Variants in TMEM74 observed in about 807,000 individuals in gnomAD.
TMEM74 encodes transmembrane protein 74.
A neutral mutation model predicts 18.1 loss-of-function variants in TMEM74; 13 were observed. That is an observed-to-expected ratio of 0.72 (90% CI 0.47 to 1.14). The LOEUF (loss-of-function observed/expected upper bound fraction) is 1.14, where lower values mean the gene tolerates loss of function less well. Among genes scored for constraint, TMEM74 ranks in the 50% most tolerant of loss-of-function variants. The pLI, the probability that TMEM74 is intolerant of heterozygous loss-of-function variation, is 0.00. For missense variants in TMEM74, 372 were observed against 375.9 expected (o/e 0.99, Z 0.09); for synonymous variants, 159 against 146.6 (o/e 1.08, Z -0.61).
chr8:108,651,354 G>A (rs1296262461), intron 2 of TMEM74, among the ~76,000 whole-genome samples: 2 of 152,056 alleles, frequency 1.3e-5, no homozygotes, highest in Non-Finnish European at 2.9e-5. Context: ...GTTATTCTCA[G>A]AATTTCCTGT....
At chr8:108,652,805 G>A in intron 2 of TMEM74, 1 of 527,388 alleles carries the variant, frequency 1.9e-6, no homozygotes, top group South Asian at 1.8e-5. Flanking sequence ...TGTCAAAGAA[G>A]GAATTGAGTA....
chr8:108,695,698 A>G (rs1256805579), intron 1 of TMEM74, among the ~76,000 whole-genome samples: 7 of 152,108 alleles, frequency 4.6e-5, no homozygotes, highest in Non-Finnish European at 1.0e-4. Context: ...ATTTGTGTAT[A>G]GTGAAGTTTT....
intron 2 of TMEM74, among the ~76,000 whole-genome samples, chr8:108,623,775 T>A (rs1812467000): frequency 6.6e-6 from 1 of 152,016 alleles, no homozygotes; most frequent in Non-Finnish European, 1.5e-5. Context: ...GTCCCCTGGA[T>A]TTTTCTCTCA....
At position 108,612,548 on chromosome 8, in the gene TMEM74, C is replaced by T. The variant is rs151282642; in HGVS notation, n.265-3722G>A. Reference sequence around the variant, plus strand: ...TTTCAGTGTTGGGCTCTGGAATGTTCTACAAGATCAGAGCTTTAACAGGAG... The same window carrying T: ...TTTCAGTGTTGGGCTCTGGAATGTTTTACAAGATCAGAGCTTTAACAGGAG... On this transcript the variant is annotated intron_variant and non_coding_transcript_variant, in intron 2 of 3. Transcript: ENST00000518838. 1.1e-4 allele frequency among the ~76,000 whole-genome samples: 16 copies of T among 152,274 alleles called. No homozygotes were observed. In the East Asian group the frequency reaches 3.1e-3, roughly 29 times the overall value.
chr8:108,679,508 G>A (rs1188831788), intron 1 of TMEM74, among the ~76,000 whole-genome samples: 2 of 152,288 alleles, frequency 1.3e-5, no homozygotes, highest in Admixed American at 6.5e-5. Context: ...GTGATGATGA[G>A]CATTTTTTCA....
At chr8:108,704,394 T>G (rs983874117) in intron 1 of TMEM74, among the ~76,000 whole-genome samples, 8 of 152,358 alleles carry the variant, frequency 5.3e-5, no homozygotes, top group African/African-American at 1.9e-4. Context: ...GAGAACCCAA[T>G]GCAGGTTAAG....
intron 2 of TMEM74, among the ~76,000 whole-genome samples, chr8:108,638,327 T>C (rs1671814214): frequency 6.6e-6 from 1 of 152,146 alleles, no homozygotes; most frequent in South Asian, 2.1e-4. Flanking sequence ...TTTAAGGTTG[T>C]CTATTCAACT....
At chr8:108,613,143 C>T (rs1039504094) in intron 2 of TMEM74, among the ~76,000 whole-genome samples, 6 of 152,236 alleles carry the variant, frequency 3.9e-5, no homozygotes, top group Admixed American at 1.3e-4. Flanking sequence ...GCTGCCTACA[C>T]TACCAAGTTG....
intron 1 of TMEM74, among the ~76,000 whole-genome samples, chr8:108,769,227 C>A (rs1276604536): frequency 6.6e-6 from 1 of 151,506 alleles, no homozygotes; most frequent in African/African-American, 2.4e-5. Context: ...ACTCAGGAGG[C>A]TGAGGGACGA....
rs1814286232 is a variant in TMEM74 at position 108,780,169 on chromosome 8, T to C, written c.*4012A>G. 6.6e-6 allele frequency among the ~76,000 whole-genome samples: 1 copy of C among 152,220 alleles called. No homozygotes were observed. The highest frequency in any genetic ancestry group is 6.5e-5 in the Admixed American group (1 of 15,278). ...CATCTTGCTGTAATAGGTGAACCAC[T>C]GGCAAAGGTTGTGAATCTTTTTTGT... On this transcript the variant is annotated 3_prime_UTR_variant, in exon 2 of 2. Coordinates refer to ENST00000297459, the MANE Select transcript of TMEM74 (RefSeq NM_153015.3).
chr8:108,675,936 A>T (rs1249164899), intron 1 of TMEM74, among the ~76,000 whole-genome samples: 1 of 152,220 alleles, frequency 6.6e-6, no homozygotes. Context: ...TATTCATATT[A>T]GTTATAATAT....
intron 1 of TMEM74, among the ~76,000 whole-genome samples, chr8:108,719,353 A>C (rs1813562229): frequency 2.6e-5 from 4 of 152,154 alleles, no homozygotes; most frequent in Admixed American, 2.0e-4. Flanking sequence ...AAAAGTGTTT[A>C]ATATCATTGT....
intron 1 of TMEM74, among the ~76,000 whole-genome samples, chr8:108,752,043 T>TTGAATGAATGAA (rs4034229): frequency 6.6e-6 from 1 of 151,102 alleles, no homozygotes; most frequent in Non-Finnish European, 1.5e-5. Flanking sequence ...ATTAATGTTG[T>TTGAATGAATGAA]TGAATGAATG....
intron 2 of TMEM74, among the ~76,000 whole-genome samples, chr8:108,628,063 T>A (rs1812513691): frequency 6.6e-6 from 1 of 151,608 alleles, no homozygotes; most frequent in Non-Finnish European, 1.5e-5. Flanking sequence ...GTCTCAAAAA[T>A]AAAAAATAAA....
chr8:108,772,689 G>C (rs1043820233), intron 1 of TMEM74, among the ~76,000 whole-genome samples: 2 of 152,240 alleles, frequency 1.3e-5, no homozygotes, highest in Middle Eastern at 3.4e-3. Flanking sequence ...TAGATGAAAA[G>C]AGCATGAATT....
intron 1 of TMEM74, among the ~76,000 whole-genome samples, chr8:108,749,163 TTG>T (rs201107033): frequency 2.8e-4 from 35 of 125,664 alleles, no homozygotes; most frequent in Admixed American, 3.9e-4. Flanking sequence ...AAAATAGTTG[TTG>T]TTTTTTTTTC....
intron 1 of TMEM74, among the ~76,000 whole-genome samples, chr8:108,663,526 A>C (rs1164914262): frequency 6.6e-6 from 1 of 152,266 alleles, no homozygotes; most frequent in Non-Finnish European, 1.5e-5. Flanking sequence ...ATGTAAATTA[A>C]TTTAACCATT....
chr8:108,673,970 A>G (rs1813029317), intron 1 of TMEM74, among the ~76,000 whole-genome samples: 1 of 152,100 alleles, frequency 6.6e-6, no homozygotes. Flanking sequence ...AAAATTTCCT[A>G]TTATTTTTAT....
At chr8:108,724,936 A>G (rs73309830) in intron 1 of TMEM74, among the ~76,000 whole-genome samples, 364 of 152,322 alleles carry the variant, frequency 2.4e-3, no homozygotes, top group African/African-American at 7.9e-3. Flanking sequence ...CTCTTAGAAT[A>G]AAACACAACC....
Sources: allele counts gnomAD v4.1 joint callset (sites outside exome capture counted in the v4.1 genomes callset), GRCh38; gene constraint gnomAD v4.1.1; transcripts MANE v1.5; gene names NCBI Gene and HGNC (gene_info 2026-07-23, HGNC 2026-07-21).